Variants in LYPD6B observed in about 807,000 individuals in gnomAD.
The protein encoded by LYPD6B is LY6/PLAUR domain containing 6B.
Under a neutral mutation model 22.8 loss-of-function variants are expected in LYPD6B, and 17 were observed. The ratio of observed to expected loss-of-function variants is 0.75; its 90% CI spans 0.51 to 1.12. The LOEUF (loss-of-function observed/expected upper bound fraction) is 1.12, where lower values mean the gene tolerates loss of function less well. LYPD6B is among the 50% of genes most tolerant of loss of function. The pLI, the probability that LYPD6B is intolerant of heterozygous loss-of-function variation, is 0.00. For missense variants in LYPD6B, 221 were observed against 258.3 expected, an observed-to-expected ratio of 0.86 and a Z score of 0.99; for synonymous variants, 106 against 91.6, an observed-to-expected ratio of 1.16 and a Z score of -0.90.
At position 149,214,884 on chromosome 2, in the gene LYPD6B, G is replaced by A. The variant is rs1440509383; in HGVS notation, c.*174G>A. ...TAAAATGTTCCCGCATGAGGCCACA[G>A]GACTGAGGATGGGAATTTGGCAGGG... On this transcript the variant is annotated 3_prime_UTR_variant, in exon 7 of 7. Coordinates refer to ENST00000409642, the MANE Select transcript of LYPD6B (RefSeq NM_177964.5). The A allele has an allele frequency of 1.5e-6, 1 of 678,068 alleles. No individual in the cohort carries two copies. Among genetic ancestry groups the A allele is most frequent in the Non-Finnish European group, 2.5e-6 (1 of 396,064 alleles). The allele number at this position is 678,068 out of a possible 1,614,324, so 42.0% of individuals were successfully genotyped here.
intron 2 of LYPD6B, among the ~76,000 whole-genome samples, chr2:149,141,323 G>A (rs1688679779): frequency 6.6e-6 from 1 of 152,146 alleles, no homozygotes; most frequent in African/African-American, 2.4e-5. Flanking sequence ...GCATCCGCGT[G>A]GAGTACAGGG....
Position 149,115,722 on chromosome 2 carries a change from AG to A in LYPD6B, c.-66-15159del, listed in dbSNP as rs1181852223. ...CAGAAGAGGTGACTAGACCCACCGT[AG>A]GCTTTGAGGAAGCAAGAAATAGACC... On this transcript the variant is annotated intron_variant, in intron 1 of 6. Coordinates refer to ENST00000409642, the MANE Select transcript of LYPD6B (RefSeq NM_177964.5). Among the ~76,000 whole-genome samples, 20 of 152,366 alleles carry A rather than the reference AG, an allele frequency of 1.3e-4. 1 individual carries two copies. Among genetic ancestry groups the A allele is most frequent in the African/African-American group, 4.6e-4 (19 of 41,598 alleles).
At chr2:149,171,982 C>T (rs777911704) in intron 3 of LYPD6B, among the ~76,000 whole-genome samples, 4 of 152,054 alleles carry the variant, frequency 2.6e-5, no homozygotes, top group Non-Finnish European at 4.4e-5. Context: ...CCTCATTTTC[C>T]GTATGCCTCT....
At chr2:149,136,110 C>A (rs1364989885) in intron 2 of LYPD6B, among the ~76,000 whole-genome samples, 2 of 152,110 alleles carry the variant, frequency 1.3e-5, no homozygotes, top group Admixed American at 1.3e-4. Context: ...TTATTGAATA[C>A]CTAGAAGAAT....
chr2:149,097,110 T>C lies in LYPD6B; in HGVS notation c.-66-33773T>C, dbSNP rs147506199. Among the ~76,000 whole-genome samples, 486 of 152,352 alleles carry C rather than the reference T, an allele frequency of 3.2e-3. 2 individuals carry two copies. Among genetic ancestry groups the C allele is most frequent in the African/African-American group, 0.011 (462 of 41,584 alleles). ...TAGGAGCTGTGCATTATTAGAGAAG[T>C]GGATCCTGAAAGACCTGTAGGCACG... On this transcript the variant is annotated intron_variant, in intron 1 of 6. Coordinates refer to ENST00000409642, the MANE Select transcript of LYPD6B (RefSeq NM_177964.5).
intron 2 of LYPD6B, among the ~76,000 whole-genome samples, chr2:149,159,596 G>A (rs913963144): frequency 3.8e-5 from 4 of 106,322 alleles, no homozygotes; most frequent in African/African-American, 1.4e-4. Flanking sequence ...GTGCGTGTGT[G>A]TGTGTGTGTG....
chr2:149,155,731 T>A (rs1689658842), intron 2 of LYPD6B, among the ~76,000 whole-genome samples: 1 of 152,162 alleles, frequency 6.6e-6, no homozygotes, highest in African/African-American at 2.4e-5. Context: ...TACACTGCAA[T>A]CCCCTTTGAG....
At chr2:149,201,318 G>T (rs1693137396) in intron 3 of LYPD6B, among the ~76,000 whole-genome samples, 1 of 152,116 alleles carries the variant, frequency 6.6e-6, no homozygotes, top group African/African-American at 2.4e-5. Context: ...CTATGTGATG[G>T]CTTAGGACAA....
Position 149,101,802 on chromosome 2 carries a change from G to A in LYPD6B, c.-66-29081G>A, listed in dbSNP as rs1686224584. 2.0e-5 allele frequency among the ~76,000 whole-genome samples: 3 copies of A among 152,212 alleles called. No individual in the cohort carries two copies. In the South Asian group the frequency reaches 6.2e-4, roughly 32 times the overall value. On this transcript the variant is annotated intron_variant, in intron 1 of 6. Coordinates refer to ENST00000409642, the MANE Select transcript of LYPD6B (RefSeq NM_177964.5). ...AACTCTGAATGCATCTTGGCCTCAAGGCTCAGAAAGACAGGCTCTCAATGA... is the reference window on the plus strand; with the variant it reads ...AACTCTGAATGCATCTTGGCCTCAAAGCTCAGAAAGACAGGCTCTCAATGA...
At position 149,208,939 on chromosome 2, in the gene LYPD6B, G is replaced by C. The variant is rs561610439; in HGVS notation, c.328+527G>C. ...TCTGAGAACTGTACCTTAGAACTAC[G>C]ACCTGAGTGACCATAGCAAGCTGCC... On this transcript the variant is annotated intron_variant, in intron 5 of 6. Coordinates refer to ENST00000409642, the MANE Select transcript of LYPD6B (RefSeq NM_177964.5). 3.3e-5 allele frequency among the ~76,000 whole-genome samples: 5 copies of C among 152,218 alleles called. No homozygotes were observed. The South Asian group carries it at 1.0e-3, about 32-fold the overall frequency.
intron 3 of LYPD6B, among the ~76,000 whole-genome samples, chr2:149,189,311 T>A (rs995426908): frequency 6.9e-6 from 1 of 144,022 alleles, no homozygotes; most frequent in African/African-American, 2.6e-5. Flanking sequence ...CTAATGAGGG[T>A]ATAAAAACAA....
intron 1 of LYPD6B, among the ~76,000 whole-genome samples, chr2:149,098,109 C>T (rs941754561): frequency 2.0e-5 from 3 of 151,926 alleles, no homozygotes; most frequent in Non-Finnish European, 4.4e-5. Context: ...GAAAATCCTA[C>T]GAGATAATAG....
intron 1 of LYPD6B, among the ~76,000 whole-genome samples, chr2:149,088,239 TATAACTCTCTCAG>T (rs751207594): frequency 1.3e-3 from 204 of 152,308 alleles, no homozygotes; most frequent in Middle Eastern, 6.8e-3. Flanking sequence ...CAGACTAACC[TATAACTCTCTCAG>T]AGGTTTTCTT....
At chr2:149,208,836 C>G (rs1294046633) in intron 5 of LYPD6B, among the ~76,000 whole-genome samples, 1 of 152,160 alleles carries the variant, frequency 6.6e-6, no homozygotes, top group Non-Finnish European at 1.5e-5. Context: ...TAATCCAGTG[C>G]CTGGCCCATG....
intron 2 of LYPD6B, among the ~76,000 whole-genome samples, chr2:149,149,990 C>T (rs1689268297): frequency 6.6e-6 from 1 of 152,236 alleles, no homozygotes; most frequent in Middle Eastern, 3.4e-3. Context: ...TTATCTATGA[C>T]CTTTTGTTAT....
intron 1 of LYPD6B, among the ~76,000 whole-genome samples, chr2:149,065,347 C>T (rs969388794): frequency 2.0e-5 from 3 of 152,182 alleles, no homozygotes; most frequent in Admixed American, 1.3e-4. Context: ...GTAACAAGCT[C>T]GTTAGTCCTG....
intron 1 of LYPD6B, among the ~76,000 whole-genome samples, chr2:149,120,024 G>C (rs894503913): frequency 1.3e-5 from 2 of 152,078 alleles, no homozygotes; most frequent in African/African-American, 4.8e-5. Context: ...AAAAGGAATG[G>C]AGACTGAAGT....
chr2:149,187,620 G>A (rs954415986), intron 3 of LYPD6B: 20 of 1,104,072 alleles, frequency 1.8e-5, no homozygotes, highest in Admixed American at 1.1e-4. Context: ...CTGAATAAAC[G>A]TATTTAGTAA....
chr2:149,101,695 C>T (rs1041265362), intron 1 of LYPD6B: 19 of 152,336 alleles, frequency 1.2e-4, no homozygotes, highest in Admixed American at 2.0e-4. Context: ...GCACTTTTTT[C>T]ATTTGGACAA....
Sources: allele counts gnomAD v4.1 joint callset (sites outside exome capture counted in the v4.1 genomes callset), GRCh38; gene constraint gnomAD v4.1.1; transcripts MANE v1.5; gene names NCBI Gene and HGNC (gene_info 2026-07-23, HGNC 2026-07-21).